Variants in ELAPOR2 observed in about 807,000 individuals in gnomAD.
ELAPOR2 encodes endosome-lysosome associated apoptosis and autophagy regulator family member 2, also known as endosome/lysosome-associated apoptosis and autophagy regulator family member 2.
Under a neutral mutation model 120.7 loss-of-function variants are expected in ELAPOR2, and 89 were observed. The observed-to-expected ratio is 0.74, with a 90% confidence interval of 0.62 to 0.88. The LOEUF is 0.88. Among genes scored for constraint, ELAPOR2 ranks in the 40% least tolerant of loss-of-function variants. The pLI is 0.00. For synonymous variants in ELAPOR2, 444 were observed against 444.9 expected, an observed-to-expected ratio of 1.00 and a Z score of 0.03; for missense variants, 1,134 against 1,251.6, an observed-to-expected ratio of 0.91 and a Z score of 1.42.
intron 1 of ELAPOR2, among the ~76,000 whole-genome samples, chr7:87,039,484 G>A (rs1259564406): frequency 6.6e-6 from 1 of 152,058 alleles, no homozygotes. Flanking sequence ...TATCTCTGAC[G>A]AATACTGATG....
intron 21 of ELAPOR2, among the ~76,000 whole-genome samples, chr7:86,883,492 A>G (rs138020546): frequency 5.3e-5 from 8 of 152,242 alleles, no homozygotes; most frequent in African/African-American, 1.7e-4. Context: ...TGGAAATAGC[A>G]CAGGTATCAA....
chr7:87,024,642 C>T (rs1031125351), intron 1 of ELAPOR2, among the ~76,000 whole-genome samples: 2 of 152,182 alleles, frequency 1.3e-5, no homozygotes, highest in South Asian at 4.2e-4. Flanking sequence ...AGGAATAGTA[C>T]CAGCTCCTCC....
chr7:87,011,348 T>C (rs1449222921), intron 1 of ELAPOR2, among the ~76,000 whole-genome samples: 1 of 151,160 alleles, frequency 6.6e-6, no homozygotes, highest in African/African-American at 2.4e-5. Flanking sequence ...AACAAAGTAA[T>C]AAAGGAGAGA....
intron 1 of ELAPOR2, 125 bp from the exon 2 acceptor site, chr7:86,965,149 A>C: frequency 2.2e-6 from 2 of 897,426 alleles, no homozygotes; most frequent in Non-Finnish European, 3.4e-6. Flanking sequence ...TCCCTCCCCC[A>C]TCCCACCCAC....
At chr7:87,045,605 T>C (rs1362996201) in intron 1 of ELAPOR2, among the ~76,000 whole-genome samples, 1 of 146,896 alleles carries the variant, frequency 6.8e-6, no homozygotes, top group African/African-American at 2.5e-5. Flanking sequence ...CTGGGGGCTG[T>C]TGTGGGGTGG....
chr7:86,918,699 T>C (rs1338949674), intron 11 of ELAPOR2, among the ~76,000 whole-genome samples, 155 bp from the exon 12 acceptor site: 2 of 152,156 alleles, frequency 1.3e-5, no homozygotes, highest in African/African-American at 2.4e-5. Context: ...CACTTAATCA[T>C]ACCTGTCCAC....
At chr7:86,918,929 G>C (rs1789694246) in intron 11 of ELAPOR2, among the ~76,000 whole-genome samples, 1 of 152,032 alleles carries the variant, frequency 6.6e-6, no homozygotes, top group African/African-American at 2.4e-5. Flanking sequence ...AAACAACTTG[G>C]ACTGACCTCT....
chr7:86,911,833 A>G, intron 15 of ELAPOR2: 1 of 582,504 alleles, frequency 1.7e-6, no homozygotes. Flanking sequence ...CATAGCTCCA[A>G]GCTTCAGGTT....
rs368239788 is a variant in ELAPOR2, at chr7:86,912,788, G to A, written c.1995+153C>T. ...AGCATACAGTAAGTGTTTAATAAAC[G>A]CAAGAAGGGAGAAAACAGAAATGGT... On this transcript the variant is annotated intron_variant, in intron 14 of 21. Transcript: ENST00000450689. 5.9e-5 allele frequency among the ~76,000 whole-genome samples: 9 copies of A among 152,220 alleles called. 1 individual carries two copies. The highest frequency in any genetic ancestry group is 1.9e-4 in the East Asian group (1 of 5,186).
At chr7:86,960,685 G>T (rs1186220717) in intron 2 of ELAPOR2, among the ~76,000 whole-genome samples, 1 of 152,006 alleles carries the variant, frequency 6.6e-6, no homozygotes, top group Non-Finnish European at 1.5e-5. Context: ...TATATATTTA[G>T]ATATCCTGAT....
chr7:86,892,352 T>C (rs1026334230), intron 20 of ELAPOR2, among the ~76,000 whole-genome samples: 2 of 152,048 alleles, frequency 1.3e-5, no homozygotes, highest in Non-Finnish European at 2.9e-5. Context: ...TCCCTAGATA[T>C]TACAATATAG....
intron 1 of ELAPOR2, among the ~76,000 whole-genome samples, chr7:87,004,498 C>T (rs1006964920): frequency 4.6e-5 from 7 of 152,188 alleles, no homozygotes; most frequent in African/African-American, 1.7e-4. Flanking sequence ...GAGCTCCCAC[C>T]ACAAACTCTA....
Position 87,039,606 on chromosome 7 carries a change from G to T in ELAPOR2, c.189+19719C>A, listed in dbSNP as rs112507269. 5.3e-5 allele frequency among the ~76,000 whole-genome samples: 8 copies of T among 152,138 alleles called. No individual in the cohort carries two copies. In the East Asian group the frequency reaches 1.4e-3, roughly 26 times the overall value. ...GGGATGCAAGGATAATTCAACATAC[G>T]CAAATAAATCAATGTGATACATTGG... On this transcript the variant is annotated intron_variant, in intron 1 of 21. Coordinates refer to ENST00000450689, the MANE Select transcript of ELAPOR2 (RefSeq NM_001142749.3).
At chr7:87,009,842 G>A (rs529881515) in intron 1 of ELAPOR2, among the ~76,000 whole-genome samples, 5 of 152,300 alleles carry the variant, frequency 3.3e-5, no homozygotes, top group Middle Eastern at 3.4e-3. Flanking sequence ...ACAGTACAAC[G>A]AGGGTTATTT....
At chr7:86,914,651 C>T (rs923396635) in intron 13 of ELAPOR2, 72 bp downstream of exon 13, 280 of 1,303,060 alleles carry the variant, frequency 2.1e-4, no homozygotes, top group Non-Finnish European at 2.8e-4. Flanking sequence ...TGAGTTATCA[C>T]TTTGTATGCA....
In ELAPOR2 at chr7:87,031,928, C is replaced by A. The variant is rs112414546; in HGVS notation, c.189+27397G>T. ...TGCTAAGTGAAAGAAGACAGCCCCC[C>A]ACCCAAAAAAGAGTACATGCCATAC... On this transcript the variant is annotated intron_variant, in intron 1 of 21. Transcript: ENST00000450689. Among the ~76,000 whole-genome samples, 817 of 152,112 alleles carry A rather than the reference C, an allele frequency of 5.4e-3. 12 individuals are homozygous for A. Among genetic ancestry groups the A allele is most frequent in the African/African-American group, 0.019 (785 of 41,510 alleles).
chr7:86,964,252 CTAAAT>C (rs1195447427), intron 2 of ELAPOR2, among the ~76,000 whole-genome samples: 3 of 152,052 alleles, frequency 2.0e-5, no homozygotes, highest in African/African-American at 7.3e-5. Context: ...ACTAAATTAA[CTAAAT>C]TAACGATTTT....
intron 21 of ELAPOR2, among the ~76,000 whole-genome samples, chr7:86,888,922 G>A (rs1014710991): frequency 3.3e-5 from 5 of 152,080 alleles, no homozygotes; most frequent in Admixed American, 2.0e-4. Flanking sequence ...GGCACCATGT[G>A]TACCTCCAGG....
In ELAPOR2 at chr7:87,013,234, A is replaced by G. The variant is rs147237864; in HGVS notation, c.189+46091T>C. 5.3e-3 allele frequency among the ~76,000 whole-genome samples: 800 copies of G among 152,298 alleles called. 3 individuals are homozygous for G. The highest frequency in any genetic ancestry group is 0.024 in the Middle Eastern group (7 of 294). ...CAAGATATTAACCCAAGCTTGCTCA[A>G]TCGTTCCCAGTGATCTAGTGGCAAA... On this transcript the variant is annotated intron_variant, in intron 1 of 21. Coordinates refer to ENST00000450689, the MANE Select transcript of ELAPOR2 (RefSeq NM_001142749.3).
Sources: allele counts gnomAD v4.1 joint callset (sites outside exome capture counted in the v4.1 genomes callset), GRCh38; gene constraint gnomAD v4.1.1; transcripts MANE v1.5; gene names NCBI Gene and HGNC (gene_info 2026-07-23, HGNC 2026-07-21).